Variants in FMO3 observed in about 807,000 individuals in gnomAD.
FMO3 encodes the protein flavin containing dimethylaniline monoxygenase 3, also known as flavin-containing monooxygenase 3.
Under a neutral mutation model 39.4 loss-of-function variants are expected in FMO3, and 40 were observed. That is an observed-to-expected ratio of 1.02 (90% confidence interval 0.79 to 1.32). FMO3 has a LOEUF of 1.32. Among genes scored for constraint, FMO3 ranks in the 40% most tolerant of loss-of-function variants. The pLI, the probability that FMO3 is intolerant of heterozygous loss-of-function variation, is 0.00. For synonymous variants in FMO3, 219 were observed against 228.8 expected (o/e 0.96, Z 0.39); for missense variants, 680 against 651.8 (o/e 1.04, Z -0.47).
chr1:171,096,354 T>C (rs1169873481), intron 2 of FMO3, among the ~76,000 whole-genome samples: 1 of 90,042 alleles, frequency 1.1e-5, no homozygotes, highest in Non-Finnish European at 1.8e-5. Context: ...TATATAAATA[T>C]ATAAAAATAT....
At chr1:171,101,068 G>C (rs994508835) in intron 2 of FMO3, 32 of 455,772 alleles carry the variant, frequency 7.0e-5, no homozygotes, top group African/African-American at 6.2e-4. Context: ...CTCTATCTTT[G>C]ATGATGGCCA....
At chr1:171,108,745 G>T (rs1655763679) in intron 5 of FMO3, among the ~76,000 whole-genome samples, 2 of 152,088 alleles carry the variant, frequency 1.3e-5, no homozygotes, top group Non-Finnish European at 2.9e-5. Context: ...ACTGGGTTGG[G>T]TGCTGAAGAC....
intron 2 of FMO3, among the ~76,000 whole-genome samples, chr1:171,097,650 C>A (rs919511980): frequency 6.9e-6 from 1 of 145,330 alleles, no homozygotes; most frequent in Admixed American, 7.0e-5. Flanking sequence ...TTGTTTTTTT[C>A]TTGTAAATTT....
chr1:171,096,469 T>G lies in FMO3; in HGVS notation c.132+3679T>G, dbSNP rs1655065448. Reference sequence around the variant, plus strand: ...ATATATTAAATATATATTAAATACATAATATATTTTATATATTAAATACAT... The same window carrying G: ...ATATATTAAATATATATTAAATACAGAATATATTTTATATATTAAATACAT... On this transcript the variant is annotated intron_variant, in intron 2 of 8. Transcript: ENST00000367755. Among the ~76,000 whole-genome samples the G allele has an allele frequency of 4.9e-5, 5 of 102,934 alleles. 1 individual carries two copies. The South Asian group carries it at 1.8e-3, about 36-fold the overall frequency. 67.5% of individuals were successfully genotyped at this position (102,934 alleles called of 152,430 possible). A position where few individuals can be genotyped will look rare whatever the true frequency, so the allele number is the denominator to read the frequency against.
chr1:171,109,721 T>C (rs1345236451), intron 5 of FMO3, among the ~76,000 whole-genome samples: 1 of 151,814 alleles, frequency 6.6e-6, no homozygotes, highest in African/African-American at 2.4e-5. Context: ...TTTGTATTTT[T>C]AGTAGAGACA....
chr1:171,114,311 G>A lies in FMO3; in HGVS notation c.1132G>A (p.Ala378Thr), dbSNP rs1249874313. ...TGGCTTTGTCCAGTCCCTTGGGGCTGCCATTCCCACAGTTGACCTCCAGTC... is the reference window on the plus strand; with the variant it reads ...TGGCTTTGTCCAGTCCCTTGGGGCTACCATTCCCACAGTTGACCTCCAGTC... ...VIGFVQSLGAAIPTVDLQSRW... is the reference protein window; with the variant it reads ...VIGFVQSLGATIPTVDLQSRW... Residue 378 changes from alanine (A) to threonine (T), a missense_variant, in exon 7 of 9, where the codon GCC becomes ACC. Physicochemically the swap from Ala to Thr is moderately conservative, Grantham distance 58. Transcript: ENST00000367755. The A allele has an allele frequency of 6.2e-7, 1 of 1,613,772 alleles. No homozygotes were observed. The highest frequency in any genetic ancestry group is 8.5e-7 in the Non-Finnish European group (1 of 1,179,934).
chr1:171,116,263 G>C lies in FMO3; in HGVS notation c.1239G>C (p.Met413Ile). The change falls in exon 8 of 9, where the codon ATG (methionine) becomes ATC (isoleucine). Residue 413 changes from methionine to isoleucine, a missense_variant. Met to Ile is a conservative substitution (Grantham distance 10). Coordinates refer to ENST00000367755, the MANE Select transcript of FMO3 (RefSeq NM_001002294.3). ...EDMMNDINEK[M>I]EKKRKWFGKS... ...TGATGAATGATATTAATGAGAAAAT[G>C]GAGAAAAAGCGCAAATGGTAAGAGT... is the stretch of plus-strand genomic sequence containing the variant. 2 of 1,596,486 alleles carry C rather than the reference G, an allele frequency of 1.3e-6. No individual in the cohort carries two copies. The highest frequency in any genetic ancestry group is 1.7e-6 in the Non-Finnish European group (2 of 1,164,640).
chr1:171,105,287 A>G (rs1030874945), intron 3 of FMO3, among the ~76,000 whole-genome samples: 2 of 152,206 alleles, frequency 1.3e-5, no homozygotes, highest in African/African-American at 2.4e-5. Flanking sequence ...TTATTTTATG[A>G]CATTATTACC....
chr1:171,096,105 T>A (rs1234502958), intron 2 of FMO3, among the ~76,000 whole-genome samples: 2 of 82,384 alleles, frequency 2.4e-5, no homozygotes, highest in Admixed American at 2.2e-4. Flanking sequence ...TTTTATATAA[T>A]TAATTATTAT....
intron 2 of FMO3, among the ~76,000 whole-genome samples, chr1:171,096,571 CTATACTTTATATATTAAATACATAA>C (rs1557934397): frequency 4.6e-5 from 2 of 43,896 alleles, no homozygotes; most frequent in East Asian, 9.8e-4. Flanking sequence ...TAAATACATA[CTATACTTTATATATTAAATACATAA>C]TATACTTTAT....
intron 4 of FMO3, 70 bp from the exon 5 acceptor site, chr1:171,108,009 G>T: frequency 6.5e-7 from 1 of 1,534,810 alleles, no homozygotes; most frequent in Non-Finnish European, 9.0e-7. Context: ...TATTCACAAG[G>T]TCGCTTCTGT....
intron 5 of FMO3, 57 bp from the exon 6 acceptor site, chr1:171,110,741 C>G: frequency 6.6e-7 from 1 of 1,525,036 alleles, no homozygotes; most frequent in South Asian, 1.1e-5. Context: ...GGGGTGCTCA[C>G]CAGAATATCC....
At chr1:171,116,862 A>G (rs1230913560) in intron 8 of FMO3, among the ~76,000 whole-genome samples, 1 of 152,206 alleles carries the variant, frequency 6.6e-6, no homozygotes, top group African/African-American at 2.4e-5. Context: ...GTGTTGGGGT[A>G]TTTCCAAATG....
intron 3 of FMO3, among the ~76,000 whole-genome samples, chr1:171,104,730 T>A (rs1317658390): frequency 6.6e-6 from 1 of 151,908 alleles, no homozygotes; most frequent in Non-Finnish European, 1.5e-5. Context: ...AAAAATTAGC[T>A]GGATGTGGTG....
At chr1:171,103,752 A>T in intron 2 of FMO3, 33 bp from the exon 3 acceptor site, 1 of 1,547,878 alleles carries the variant, frequency 6.5e-7, no homozygotes, top group Non-Finnish European at 8.9e-7. Context: ...CTCATTTACC[A>T]ATTCGCTTCC....
Position 171,108,059 on chromosome 1 carries a change from A to G in FMO3, c.485-20A>G. The G allele has an allele frequency of 6.2e-7, 1 of 1,613,390 alleles. No homozygotes were observed. The highest frequency in any genetic ancestry group is 2.2e-5 in the East Asian group (1 of 44,874). On this transcript the variant is annotated intron_variant, in intron 4 of 8. Coordinates refer to ENST00000367755, the MANE Select transcript of FMO3 (RefSeq NM_001002294.3). Reference sequence around the variant, plus strand: ...AAATATATGACTCAAACTGCCATGTATTTCTCACTTTTCACTCAGGACTAA... The same window carrying G: ...AAATATATGACTCAAACTGCCATGTGTTTCTCACTTTTCACTCAGGACTAA...
At chr1:171,096,354 T>A (rs1169873481) in intron 2 of FMO3, among the ~76,000 whole-genome samples, 2 of 90,042 alleles carry the variant, frequency 2.2e-5, no homozygotes, top group African/African-American at 1.0e-4. Flanking sequence ...TATATAAATA[T>A]ATAAAAATAT....
chr1:171,105,014 A>G (rs1359595777), intron 3 of FMO3, among the ~76,000 whole-genome samples: 3 of 152,050 alleles, frequency 2.0e-5, no homozygotes, highest in African/African-American at 7.2e-5. Flanking sequence ...AGAATACTAT[A>G]AAAGTGTTTG....
chr1:171,114,140 G>T lies in FMO3; in HGVS notation c.961G>T (p.Gly321Cys). Residue 321 changes from glycine to cysteine, a missense_variant, in exon 7 of 9, where the codon GGC (glycine) becomes TGC (cysteine). Coordinates refer to ENST00000367755, the MANE Select transcript of FMO3 (RefSeq NM_001002294.3). ...AIFEDGTIFE[G>C]IDCVIFATGY... ...TTTTGAGGATGGGACCATATTTGAGGGCATTGACTGTGTAATCTTTGCAAC... is the reference window on the plus strand; with the variant it reads ...TTTTGAGGATGGGACCATATTTGAGTGCATTGACTGTGTAATCTTTGCAAC... The T allele has an allele frequency of 6.2e-7, 1 of 1,613,910 alleles. No homozygotes were observed. Among genetic ancestry groups the T allele is most frequent in the Non-Finnish European group, 8.5e-7 (1 of 1,179,908 alleles).
Sources: allele counts gnomAD v4.1 joint callset (sites outside exome capture counted in the v4.1 genomes callset), GRCh38; gene constraint gnomAD v4.1.1; transcripts MANE v1.5; gene names NCBI Gene and HGNC (gene_info 2026-07-23, HGNC 2026-07-21).